Variants in SLC38A10 observed in about 807,000 individuals in gnomAD.
SLC38A10 encodes the protein solute carrier family 38 member 10, also known as Sodium-coupled neutral amino acid transporter 10.
Under a neutral mutation model 81.0 loss-of-function variants are expected in SLC38A10, and 53 were observed. That is an observed-to-expected ratio of 0.65 (90% CI 0.53 to 0.82). The LOEUF is 0.82. Among genes scored for constraint, SLC38A10 ranks in the 40% least tolerant of loss-of-function variants. The pLI is 0.00. For missense variants in SLC38A10, 1,471 were observed against 1,545.0 expected (o/e 0.95, Z 0.80); for synonymous variants, 665 against 655.3 (o/e 1.01, Z -0.23).
chr17:81,252,258 C>T lies in SLC38A10; in HGVS notation c.1882G>A (p.Gly628Arg), dbSNP rs780284908. The change falls in exon 13 of 16, where the codon GGG becomes AGG. Residue 628 changes from glycine (G) to arginine (R), a missense_variant. Coordinates refer to ENST00000374759, the MANE Select transcript of SLC38A10 (RefSeq NM_001037984.3). The part of the protein sequence containing the change: ...LAVGGGEKAK[G>R]GPPPGNAAGD... ...GCGGCGTTGCCTGGCGGCGGTCCCC[C>T]CTTGGCCTTTTCCCCTCCACCCACC... The T allele has an allele frequency of 3.5e-5, 56 of 1,591,008 alleles. No individual in the cohort carries two copies. In the African/African-American group the frequency reaches 4.5e-4, roughly 13 times the overall value.
At chr17:81,267,344 A>C (rs900166244) in intron 10 of SLC38A10, among the ~76,000 whole-genome samples, 1 of 152,226 alleles carries the variant, frequency 6.6e-6, no homozygotes, top group African/African-American at 2.4e-5. Flanking sequence ...AGTACTAAAA[A>C]AATGAGGGAG....
At chr17:81,246,838 G>T in intron 15 of SLC38A10, 47 bp downstream of exon 15, 1 of 1,542,860 alleles carries the variant, frequency 6.5e-7, no homozygotes. Context: ...GACAGCAGGA[G>T]ACCCCCTGCC....
At chr17:81,290,630 C>T (rs1475513262) in intron 1 of SLC38A10, among the ~76,000 whole-genome samples, 2 of 152,130 alleles carry the variant, frequency 1.3e-5, no homozygotes, top group African/African-American at 4.8e-5. Context: ...GACAAAGGGG[C>T]ACATGGGGAC....
chr17:81,270,839 G>C lies in SLC38A10; in HGVS notation c.1131+79C>G, dbSNP rs531188019. 8.1e-7 allele frequency: 1 copy of C among 1,232,340 alleles called. No homozygotes were observed. The highest frequency in any genetic ancestry group is 2.3e-5 in the East Asian group (1 of 42,798). 76.3% of individuals were successfully genotyped at this position (1,232,340 alleles called of 1,614,324 possible). ...GAACCCATCTGAAAACGCTGAACCA[G>C]GGGCTTCCTCCCGCCTCCACCTCTC... On this transcript the variant is annotated intron_variant, in intron 10 of 15. Coordinates refer to ENST00000374759, the MANE Select transcript of SLC38A10 (RefSeq NM_001037984.3). This position sits in a 1 kb window ranked among gnomAD's most constrained non-coding sequence, Gnocchi z 4.0.
chr17:81,266,274 A>C (rs2063069307), intron 10 of SLC38A10, among the ~76,000 whole-genome samples: 1 of 152,244 alleles, frequency 6.6e-6, no homozygotes, highest in Admixed American at 6.5e-5. Flanking sequence ...ACGGGCGAAA[A>C]TGTCACCTAT....
intron 11 of SLC38A10, among the ~76,000 whole-genome samples, chr17:81,258,777 C>A (rs1185594847): frequency 7.9e-5 from 12 of 152,218 alleles, no homozygotes; most frequent in Admixed American, 4.6e-4. Context: ...AAAACACCCA[C>A]CTCCCTCTCC....
In SLC38A10 at chr17:81,286,777, G is replaced by A. The variant is rs1250269219; in HGVS notation, c.218-1882C>T. On this transcript the variant is annotated intron_variant, in intron 2 of 15. Coordinates refer to ENST00000374759, the MANE Select transcript of SLC38A10 (RefSeq NM_001037984.3). The surrounding 1 kb of genome is among the most constrained non-coding windows in gnomAD (Gnocchi z 6.0). ...GCCACAGAAGCCTGGACCACCCAAC[G>A]AAAGGACGCGGGCAGCACTCCTGAC... Among the ~76,000 whole-genome samples, 8 of 152,258 alleles carry A rather than the reference G, an allele frequency of 5.3e-5. No homozygotes were observed. Among genetic ancestry groups the A allele is most frequent in the South Asian group, 2.1e-4 (1 of 4,814 alleles).
At chr17:81,247,106 C>T in intron 14 of SLC38A10, 45 bp from the exon 15 acceptor site, 2 of 1,540,116 alleles carry the variant, frequency 1.3e-6, no homozygotes, top group Non-Finnish European at 1.7e-6. Flanking sequence ...GCTGCTCATG[C>T]ACCGTGCTGG....
chr17:81,262,552 G>C (rs2063033052), intron 10 of SLC38A10, among the ~76,000 whole-genome samples: 1 of 152,238 alleles, frequency 6.6e-6, no homozygotes, highest in Admixed American at 6.5e-5. Flanking sequence ...TGACCTTGCA[G>C]AGAAGCTACA....
At chr17:81,285,503 C>CGACGGGGCGGCCGAAT (rs1385193951) in intron 2 of SLC38A10, 1 of 152,196 alleles carries the variant, frequency 6.6e-6, no homozygotes, top group Non-Finnish European at 1.5e-5. Flanking sequence ...CATGCGTTCC[C>CGACGGGGCGGCCGAAT]GACGGGGCGG....
rs769383115 is a variant in SLC38A10, at chr17:81,246,443, C to G, written c.2473G>C (p.Glu825Gln). 15 of 1,594,128 alleles carry G rather than the reference C, an allele frequency of 9.4e-6. No individual in the cohort carries two copies. The East Asian group carries it at 1.6e-4, about 17-fold the overall frequency. Reference sequence around the variant, plus strand: ...AGCTTGGCCTGGGCTGCCCGAGGCTCTGTGTCAGGGCCGCCGTCAGGAGGG... The same window carrying G: ...AGCTTGGCCTGGGCTGCCCGAGGCTGTGTGTCAGGGCCGCCGTCAGGAGGG... Reference protein sequence around the residue: ...AGPPDGGPDTEPRAAQAKLRD... With the variant: ...AGPPDGGPDTQPRAAQAKLRD... The change falls in exon 16 of 16, where the codon GAG becomes CAG. Residue 825 changes from glutamate (E) to glutamine (Q), a missense_variant. Around this residue, in one of 2 missense-constraint regions of SLC38A10, gnomAD observed 751 missense variants for 717.4 expected, o/e 1.05. Coordinates refer to ENST00000374759, the MANE Select transcript of SLC38A10 (RefSeq NM_001037984.3).
At position 81,272,501 on chromosome 17, in the gene SLC38A10, G is replaced by GC. The variant is rs771468620; in HGVS notation, c.1024+14dup. ...GGTCCCACTCCCCGGCAACAGGGCA[G>GC]CCCTCCCGCCTTACCGTTGGGGATA... On this transcript the variant is annotated intron_variant, in intron 9 of 15. Transcript: ENST00000374759. 3.2e-6 allele frequency: 5 copies of GC among 1,562,298 alleles called. No homozygotes were observed. The highest frequency in any genetic ancestry group is 4.3e-6 in the Non-Finnish European group (5 of 1,155,444).
rs773833436 is a variant in SLC38A10, at chr17:81,283,438, T to C, written c.328A>G (p.Asn110Asp). 6.2e-7 allele frequency: 1 copy of C among 1,612,332 alleles called. No individual in the cohort carries two copies. The highest frequency in any genetic ancestry group is 8.5e-7 in the Non-Finnish European group (1 of 1,179,156). Residue 110 changes from asparagine (N) to aspartate (D), a missense_variant, in exon 4 of 16, where the codon AAC (asparagine) becomes GAC (aspartate). Transcript: ENST00000374759. The surrounding 1 kb of genome is among the most constrained non-coding windows in gnomAD (Gnocchi z 4.7). Reference sequence around the variant, plus strand: ...AACCCGAACAGCCGGGCAAAGAAGTTGGACCCCAAGTCGCCGATCACGACG... The same window carrying C: ...AACCCGAACAGCCGGGCAAAGAAGTCGGACCCCAAGTCGCCGATCACGACG... Reference protein sequence around the residue: ...FYVVIGDLGSNFFARLFGFQV... With the variant: ...FYVVIGDLGSDFFARLFGFQV...
At position 81,265,445 on chromosome 17, in the gene SLC38A10, C is replaced by G. The variant is rs570307912; in HGVS notation, c.1132-5051G>C. 3.3e-5 allele frequency: 5 copies of G among 152,222 alleles called. No homozygotes were observed. The highest frequency in any genetic ancestry group is 7.3e-5 in the Non-Finnish European group (5 of 68,028). The allele number at this position is 152,222 out of a possible 1,614,324, so 9.4% of individuals were successfully genotyped here. ...TGTATCTTTTCGATTCCCTCAGGGC[C>G]GACCTATTTTCCTGTCCCCTGGTTG... is the stretch of plus-strand genomic sequence containing the variant. On this transcript the variant is annotated intron_variant, in intron 10 of 15. Coordinates refer to ENST00000374759, the MANE Select transcript of SLC38A10 (RefSeq NM_001037984.3). The surrounding 1 kb of genome is among the most constrained non-coding windows in gnomAD (Gnocchi z 4.2).
chr17:81,281,755 G>A lies in SLC38A10; in HGVS notation c.501+434C>T, dbSNP rs1284138246. On this transcript the variant is annotated intron_variant, in intron 5 of 15. Coordinates refer to ENST00000374759, the MANE Select transcript of SLC38A10 (RefSeq NM_001037984.3). This position sits in a 1 kb window ranked among gnomAD's most constrained non-coding sequence, Gnocchi z 5.3. ...TGCGCCACTGCACTCCAGCCTGGGCGACAAAGTGAGACTCCGTCTCAAAAA... is the reference window on the plus strand; with the variant it reads ...TGCGCCACTGCACTCCAGCCTGGGCAACAAAGTGAGACTCCGTCTCAAAAA... Among the ~76,000 whole-genome samples the A allele has an allele frequency of 2.7e-5, 4 of 150,066 alleles. No homozygotes were observed. The highest frequency in any genetic ancestry group is 2.0e-4 in the Admixed American group (3 of 15,094).
rs558922502 is a variant in SLC38A10, at chr17:81,253,721, T to C, written c.1289-481A>G. 7.1e-5 allele frequency among the ~76,000 whole-genome samples: 8 copies of C among 112,628 alleles called. No individual in the cohort carries two copies. The highest frequency in any genetic ancestry group is 3.2e-4 in the African/African-American group (7 of 21,780). 73.9% of individuals were successfully genotyped at this position (112,628 alleles called of 152,430 possible). On this transcript the variant is annotated intron_variant, in intron 11 of 15. Transcript: ENST00000374759. This position sits in a 1 kb window ranked among gnomAD's most constrained non-coding sequence, Gnocchi z 4.1. ...ATCATCACCATCACCATCACCATCATCACCATCTCCATCCCTACCACCATC... is the reference window on the plus strand; with the variant it reads ...ATCATCACCATCACCATCACCATCACCACCATCTCCATCCCTACCACCATC...
In SLC38A10 at chr17:81,283,140, G is replaced by T. The variant is rs2063230461; in HGVS notation, c.357+269C>A. ...GGGCAGCCCGGGCTGGCAGAGACTT[G>T]CTCTGCACTGTGCCCGGGTCTGAGG... On this transcript the variant is annotated intron_variant, in intron 4 of 15. Coordinates refer to ENST00000374759, the MANE Select transcript of SLC38A10 (RefSeq NM_001037984.3). This position sits in a 1 kb window ranked among gnomAD's most constrained non-coding sequence, Gnocchi z 4.7. 6.6e-6 allele frequency among the ~76,000 whole-genome samples: 1 copy of T among 152,156 alleles called. No homozygotes were observed. The highest frequency in any genetic ancestry group is 1.5e-5 in the Non-Finnish European group (1 of 68,018).
intron 6 of SLC38A10, 59 bp downstream of exon 6, chr17:81,280,550 C>T (rs2063201224): frequency 6.3e-7 from 1 of 1,597,774 alleles, no homozygotes. Flanking sequence ...GGTCCCGTCT[C>T]CCAGCAGCTC....
intron 1 of SLC38A10, among the ~76,000 whole-genome samples, chr17:81,291,035 G>C (rs920944498): frequency 6.6e-6 from 1 of 151,992 alleles, no homozygotes; most frequent in African/African-American, 2.4e-5. Context: ...GAATCTTCCT[G>C]CATGTCCACT....
Sources: allele counts gnomAD v4.1 joint callset (sites outside exome capture counted in the v4.1 genomes callset), GRCh38; gene constraint gnomAD v4.1.1; regional missense constraint gnomAD v4.1.1; non-coding constraint Gnocchi (gnomAD v3.1); transcripts MANE v1.5; gene names NCBI Gene and HGNC (gene_info 2026-07-23, HGNC 2026-07-21).